The following IL23R variants were observed in gnomAD, a reference collection of about 807,000 sequenced individuals.
The protein encoded by IL23R is interleukin 23 receptor.
IL23R carries 34 observed loss-of-function variants against 56.9 expected under a neutral mutation model. The ratio of observed to expected loss-of-function variants is 0.60; its 90% CI spans 0.45 to 0.80. IL23R has a LOEUF of 0.80. IL23R is among the 30% of genes least tolerant of loss of function. The pLI, the probability that IL23R is intolerant of heterozygous loss-of-function variation, is 0.00. For missense variants in IL23R, 635 were observed against 730.0 expected (o/e 0.87, Z 1.50); for synonymous variants, 230 against 249.2 (o/e 0.92, Z 0.73).
At chr1:67,197,756 C>A (rs970458202) in intron 4 of IL23R, among the ~76,000 whole-genome samples, 3 of 152,034 alleles carry the variant, frequency 2.0e-5, no homozygotes, top group African/African-American at 7.2e-5. Flanking sequence ...CTGGCCTGGG[C>A]AATGTGGCAA....
intron 6 of IL23R, among the ~76,000 whole-genome samples, chr1:67,217,371 G>A (rs1306671517): frequency 1.3e-5 from 2 of 152,072 alleles, no homozygotes; most frequent in Non-Finnish European, 2.9e-5. Flanking sequence ...GCAGCCACCT[G>A]GTTTGCCTCA....
At chr1:67,182,754 G>C (rs774409044) in intron 3 of IL23R, 82 bp from the exon 4 acceptor site, 30 of 1,480,668 alleles carry the variant, frequency 2.0e-5, no homozygotes, top group Non-Finnish European at 2.7e-5. Context: ...GACTGGAGCT[G>C]TTCCTATTCA....
intron 7 of IL23R, 61 bp downstream of exon 7, chr1:67,219,791 C>A: frequency 6.9e-7 from 1 of 1,452,258 alleles, no homozygotes; most frequent in Non-Finnish European, 9.7e-7. Context: ...TTCTGCTGAG[C>A]ACAGTGGCTC....
At chr1:67,224,172 A>G (rs889173599) in intron 7 of IL23R, among the ~76,000 whole-genome samples, 1 of 152,228 alleles carries the variant, frequency 6.6e-6, no homozygotes, top group African/African-American at 2.4e-5. Flanking sequence ...CAAGCATAAT[A>G]ATTACATAAA....
chr1:67,227,950 C>CTT (rs78729341), intron 7 of IL23R, among the ~76,000 whole-genome samples: 1 of 62,704 alleles, frequency 1.6e-5, no homozygotes. Context: ...ATCTTTCTTT[C>CTT]TTTCTTTCTT....
chr1:67,139,380 C>T (rs140543943), intron 1 of IL23R, among the ~76,000 whole-genome samples: 30 of 152,236 alleles, frequency 2.0e-4, no homozygotes, highest in Non-Finnish European at 3.2e-4. Flanking sequence ...GTACATGAAA[C>T]GTTCATTATG....
intron 5 of IL23R, among the ~76,000 whole-genome samples, chr1:67,201,436 GT>G (rs985477329): frequency 1.1e-4 from 16 of 149,270 alleles, no homozygotes; most frequent in African/African-American, 3.7e-4. Context: ...CCATATATGT[GT>G]TTTTACAAAT....
At chr1:67,226,084 G>A (rs987829213) in intron 7 of IL23R, among the ~76,000 whole-genome samples, 13 of 152,176 alleles carry the variant, frequency 8.5e-5, no homozygotes, top group Admixed American at 3.3e-4. Flanking sequence ...GCTCAAACCC[G>A]TTACAGGAGG....
chr1:67,164,901 A>G (rs1646857530), upstream of IL23R, among the ~76,000 whole-genome samples: 1 of 152,106 alleles, frequency 6.6e-6, no homozygotes, highest in Non-Finnish European at 1.5e-5. Flanking sequence ...TGATTATCAC[A>G]TAAATACAAA....
intron 3 of IL23R, among the ~76,000 whole-genome samples, chr1:67,181,216 C>T (rs1296527174): frequency 6.6e-6 from 1 of 152,162 alleles, no homozygotes; most frequent in Non-Finnish European, 1.5e-5. Flanking sequence ...GGGGAAGTAT[C>T]CTGCAGAGTG....
At chr1:67,177,882 C>T (rs1413912476) in intron 3 of IL23R, among the ~76,000 whole-genome samples, 1 of 151,008 alleles carries the variant, frequency 6.6e-6, no homozygotes, top group African/African-American at 2.5e-5. Context: ...GGAATCCTTT[C>T]CCTATTGCTC....
intron 1 of IL23R, among the ~76,000 whole-genome samples, chr1:67,160,882 C>T (rs1646812572): frequency 6.6e-6 from 1 of 152,074 alleles, no homozygotes; most frequent in Non-Finnish European, 1.5e-5. Flanking sequence ...GAAAAATTCT[C>T]TAAAAGTATT....
chr1:67,153,500 G>C (rs1442205722), intron 1 of IL23R, among the ~76,000 whole-genome samples: 1 of 151,956 alleles, frequency 6.6e-6, no homozygotes, highest in Non-Finnish European at 1.5e-5. Flanking sequence ...TTTTGAATTT[G>C]TTTGCTCTTG....
At chr1:67,183,716 A>G (rs1286229556) in intron 4 of IL23R, among the ~76,000 whole-genome samples, 1 of 152,118 alleles carries the variant, frequency 6.6e-6, no homozygotes, top group Non-Finnish European at 1.5e-5. Context: ...TAAAGTGTAT[A>G]TAATTATGCC....
At chr1:67,253,946 C>G (rs1324579685) in intron 9 of IL23R, among the ~76,000 whole-genome samples, 1 of 151,912 alleles carries the variant, frequency 6.6e-6, no homozygotes, top group African/African-American at 2.4e-5. Flanking sequence ...AGACATAATT[C>G]CAATATATTT....
Position 67,259,063 on chromosome 1 carries a change from A to G in IL23R, c.1825A>G (p.Asn609Asp). 1 of 1,613,972 alleles carries G rather than the reference A, an allele frequency of 6.2e-7. No homozygotes were observed. Among genetic ancestry groups the G allele is most frequent in the Non-Finnish European group, 8.5e-7 (1 of 1,179,932 alleles). The change falls in exon 11 of 11, where the codon AAT becomes GAT. Residue 609 changes from asparagine to aspartate, a missense_variant. Transcript: ENST00000347310. ...GIVNEELPSINTYFPQNILES... is the reference protein window; with the variant it reads ...GIVNEELPSIDTYFPQNILES... ...CGTGAATGAGGAGTTGCCATCTATT[A>G]ATACTTATTTTCCACAAAATATTTT...
intron 3 of IL23R, among the ~76,000 whole-genome samples, chr1:67,179,323 A>G (rs1362931378): frequency 6.6e-6 from 1 of 152,168 alleles, no homozygotes; most frequent in African/African-American, 2.4e-5. Context: ...CAGAGATTCA[A>G]CTTCTTCCTG....
intron 8 of IL23R, among the ~76,000 whole-genome samples, chr1:67,237,382 A>G (rs1651553211): frequency 6.6e-6 from 1 of 152,048 alleles, no homozygotes; most frequent in African/African-American, 2.4e-5. Context: ...AGACCCAAAA[A>G]CTTCTTTCAA....
At chr1:67,209,905 T>G (rs1649339869) in intron 6 of IL23R, among the ~76,000 whole-genome samples, 1 of 152,206 alleles carries the variant, frequency 6.6e-6, no homozygotes, top group Non-Finnish European at 1.5e-5. Context: ...AATTAGCTAT[T>G]TGTAATTCAG....
Sources: allele counts gnomAD v4.1 joint callset (sites outside exome capture counted in the v4.1 genomes callset), GRCh38; gene constraint gnomAD v4.1.1; transcripts MANE v1.5; gene names NCBI Gene and HGNC (gene_info 2026-07-23, HGNC 2026-07-21).